SEMA4F: variants seen among roughly 807,000 people sequenced by gnomAD.
SEMA4F encodes ssemaphorin 4F, also known as semaphorin-4F.
SEMA4F carries 51 observed loss-of-function variants against 78.4 expected under a neutral mutation model. The observed-to-expected ratio is 0.65, with a 90% CI of 0.52 to 0.82. The LOEUF (loss-of-function observed/expected upper bound fraction) is 0.82, where lower values mean the gene tolerates loss of function less well. Among genes scored for constraint, SEMA4F ranks in the 40% least tolerant of loss-of-function variants. The probability of loss-of-function intolerance (pLI) is 0.00; values close to 1 mark genes in which losing one functional copy is unlikely to be tolerated. For synonymous variants in SEMA4F, 418 were observed against 408.7 expected, an observed-to-expected ratio of 1.02 and a Z score of -0.27; for missense variants, 938 against 1,014.4, an observed-to-expected ratio of 0.92 and a Z score of 1.02.
At chr2:74,687,758 G>A (rs1685851022), downstream of SEMA4F, among the ~76,000 whole-genome samples, 1 of 152,126 alleles carries the variant, frequency 6.6e-6, no homozygotes, top group Non-Finnish European at 1.5e-5. Flanking sequence ...TAGCTTTAGG[G>A]TGTCCTTCTC....
rs530665210 is a variant in SEMA4F at position 74,655,912 on chromosome 2, G to A, written c.146-622G>A. 2.7e-4 allele frequency among the ~76,000 whole-genome samples: 41 copies of A among 152,278 alleles called. 1 individual carries two copies. The highest frequency in any genetic ancestry group is 3.9e-4 in the Admixed American group (6 of 15,298). ...GCAGAGCTGTATTGGTGCAAGGGTA[G>A]GGTCCCCAGAACCAGAGGTTGAGCT... On this transcript the variant is annotated intron_variant, in intron 1 of 13. Coordinates refer to ENST00000357877, the MANE Select transcript of SEMA4F (RefSeq NM_004263.5).
At chr2:74,665,908 T>G (rs1005908086) in intron 5 of SEMA4F, among the ~76,000 whole-genome samples, 6 of 151,980 alleles carry the variant, frequency 3.9e-5, no homozygotes, top group Non-Finnish European at 7.4e-5. Flanking sequence ...TTTTGTTTTT[T>G]TTTTTTTTTG....
intron 5 of SEMA4F, 33 bp from the exon 6 acceptor site, chr2:74,673,424 C>T (rs1437068171): frequency 6.2e-7 from 1 of 1,612,416 alleles, no homozygotes; most frequent in South Asian, 1.1e-5. Context: ...CAGTGGGTCC[C>T]TGATAGCCCA....
chr2:74,675,742 T>G lies in SEMA4F; in HGVS notation c.1483-7T>G, dbSNP rs1337029161. The stretch of plus-strand genomic sequence containing the variant: ...GTGTATTCCCCTTCCCCACTCCGTT[T>G]TTATAGAGCTGGCTCCTGGTTGGCT... On this transcript the variant is annotated splice_region_variant and splice_polypyrimidine_tract_variant and intron_variant, in intron 11 of 13. Coordinates refer to ENST00000357877, the MANE Select transcript of SEMA4F (RefSeq NM_004263.5). The G allele has an allele frequency of 6.2e-7, 1 of 1,613,888 alleles. No individual in the cohort carries two copies. The highest frequency in any genetic ancestry group is 1.6e-4 in the Middle Eastern group (1 of 6,062).
the SEMA4F span, among the ~76,000 whole-genome samples, chr2:74,689,218 T>G: frequency 2.0e-5 from 3 of 152,238 alleles, no homozygotes; most frequent in Non-Finnish European, 4.4e-5. Flanking sequence ...TAATGTAGTG[T>G]AGTCTAGTGA....
rs187991997 is a variant in SEMA4F, at chr2:74,654,739, G to C, written c.145+218G>C. Among the ~76,000 whole-genome samples, 484 of 152,302 alleles carry C rather than the reference G, an allele frequency of 3.2e-3. 3 individuals carry two copies. Among genetic ancestry groups the C allele is most frequent in the Middle Eastern group, 6.8e-3 (2 of 294 alleles). On this transcript the variant is annotated intron_variant, in intron 1 of 13. Coordinates refer to ENST00000357877, the MANE Select transcript of SEMA4F (RefSeq NM_004263.5). ...CCTCAGCCCCTCATCCCCAGCCCGG[G>C]CCTCGCGCCTCGGCTCCCACGACAC... is the stretch of plus-strand genomic sequence containing the variant.
chr2:74,672,993 T>C (rs1685067239), intron 5 of SEMA4F, among the ~76,000 whole-genome samples: 1 of 152,216 alleles, frequency 6.6e-6, no homozygotes, highest in African/African-American at 2.4e-5. Context: ...AATCGTGACT[T>C]GTTCCAAAGC....
rs1032144832 is a variant in SEMA4F, at chr2:74,680,490, C to T, written c.*281C>T. The T allele has an allele frequency of 3.0e-6, 1 of 338,572 alleles. No individual in the cohort carries two copies. The highest frequency in any genetic ancestry group is 5.4e-6 in the Non-Finnish European group (1 of 186,898). 21.0% of individuals were successfully genotyped at this position (338,572 alleles called of 1,614,324 possible). ...TCCTGTAAACCTTCATCCCTGGCCC[C>T]CTATCTTGGGCCCATTAGTTTTGGG... On this transcript the variant is annotated 3_prime_UTR_variant, in exon 14 of 14. Transcript: ENST00000357877.
the SEMA4F span, among the ~76,000 whole-genome samples, chr2:74,702,425 T>C: frequency 6.6e-6 from 1 of 152,158 alleles, no homozygotes; most frequent in Non-Finnish European, 1.5e-5. Context: ...CAATCAGACA[T>C]TGTTGTTTTA....
In SEMA4F at chr2:74,679,302, A is replaced by G; in HGVS notation, c.1670A>G (p.Asp557Gly). Residue 557 changes from aspartate to glycine, a missense_variant, in exon 13 of 14, where the codon GAT (aspartate) becomes GGT (glycine). Coordinates refer to ENST00000357877, the MANE Select transcript of SEMA4F (RefSeq NM_004263.5). ...RGLVQDIESA[D>G]VSSLCPKEPG... The stretch of plus-strand genomic sequence containing the variant: ...TTGGTCCAAGACATAGAGTCAGCAG[A>G]TGTCTCCTCTTTGTGTCCTAAAGAG... 1.2e-6 allele frequency: 2 copies of G among 1,613,498 alleles called. No individual in the cohort carries two copies. Among genetic ancestry groups the G allele is most frequent in the East Asian group, 2.2e-5 (1 of 44,884 alleles).
chr2:74,701,400 C>T, the SEMA4F span, among the ~76,000 whole-genome samples: 1 of 152,214 alleles, frequency 6.6e-6, no homozygotes, highest in Non-Finnish European at 1.5e-5. Flanking sequence ...ATCAGCCCTA[C>T]CATTTATTTT....
At chr2:74,696,387 G>A in the SEMA4F span, among the ~76,000 whole-genome samples, 3 of 151,786 alleles carry the variant, frequency 2.0e-5, no homozygotes, top group African/African-American at 2.4e-5. Flanking sequence ...TAGTAGAGAC[G>A]GGGTTTCATC....
At position 74,679,667 on chromosome 2, in the gene SEMA4F, T is replaced by G. The variant is rs1172547031; in HGVS notation, c.1771T>G (p.Ser591Ala). Residue 591 changes from serine (S) to alanine (A), a missense_variant, in exon 14 of 14, where the codon TCA (serine) becomes GCA (alanine). Transcript: ENST00000357877. ...AHVVLPCSPS[S>A]AWASCVWHQP... ...TGTGGTCTTGCCATGTTCTCCAAGCTCAGCATGGGCATCCTGTGTGTGGCA... is the reference window on the plus strand; with the variant it reads ...TGTGGTCTTGCCATGTTCTCCAAGCGCAGCATGGGCATCCTGTGTGTGGCA... The G allele has an allele frequency of 6.2e-7, 1 of 1,613,656 alleles. No individual in the cohort carries two copies. The highest frequency in any genetic ancestry group is 8.5e-7 in the Non-Finnish European group (1 of 1,179,878).
chr2:74,656,011 G>T (rs1279200133), intron 1 of SEMA4F, among the ~76,000 whole-genome samples: 8 of 151,370 alleles, frequency 5.3e-5, no homozygotes, highest in Non-Finnish European at 2.9e-5. Context: ...ATGAGGTTTA[G>T]ATTTTTTTTT....
chr2:74,691,801 T>C, the SEMA4F span, among the ~76,000 whole-genome samples: 1 of 152,222 alleles, frequency 6.6e-6, no homozygotes, highest in African/African-American at 2.4e-5. Context: ...CACTGACTGA[T>C]AGGAAGCTGG....
chr2:74,658,047 G>A lies in SEMA4F; in HGVS notation c.456+96G>A. Reference sequence around the variant, plus strand: ...AGGATGGGAAGGGTTTTCTGTGAGCGACCATGATGGGGGCATGGTCAAGGC... The same window carrying A: ...AGGATGGGAAGGGTTTTCTGTGAGCAACCATGATGGGGGCATGGTCAAGGC... On this transcript the variant is annotated intron_variant, in intron 4 of 13. Coordinates refer to ENST00000357877, the MANE Select transcript of SEMA4F (RefSeq NM_004263.5). The surrounding 1 kb of genome is among the most constrained non-coding windows in gnomAD (Gnocchi z 4.3). 1.8e-6 allele frequency: 2 copies of A among 1,088,588 alleles called. No homozygotes were observed. Among genetic ancestry groups the A allele is most frequent in the Middle Eastern group, 2.3e-4 (1 of 4,430 alleles). The allele number at this position is 1,088,588 out of a possible 1,614,324, so 67.4% of individuals were successfully genotyped here.
rs1328444175 is a variant in SEMA4F, at chr2:74,658,561, T to C, written c.456+610T>C. Among the ~76,000 whole-genome samples the C allele has an allele frequency of 3.9e-5, 6 of 151,952 alleles. No homozygotes were observed. The highest frequency in any genetic ancestry group is 2.9e-5 in the Non-Finnish European group (2 of 68,032). On this transcript the variant is annotated intron_variant, in intron 4 of 13. Transcript: ENST00000357877. The surrounding 1 kb of genome is among the most constrained non-coding windows in gnomAD (Gnocchi z 4.3). ...CAATCATGTTTTCTTATAGATCCTG[T>C]TTATTGCTGCTGAAGGCCTGGACAT...
At chr2:74,679,396 G>C in intron 13 of SEMA4F, 62 bp downstream of exon 13, 1 of 1,511,528 alleles carries the variant, frequency 6.6e-7, no homozygotes, top group Admixed American at 1.7e-5. Flanking sequence ...GGGCTAGAGA[G>C]TTGTTCATTT....
chr2:74,673,642 T>C (rs534418687), intron 6 of SEMA4F, 35 bp from the exon 7 acceptor site: 1 of 1,613,002 alleles, frequency 6.2e-7, no homozygotes, highest in African/African-American at 1.3e-5. Flanking sequence ...TCCTAGGTTG[T>C]GTCTGTGAGG....
Sources: gnomAD v4.1 joint callset for allele counts (sites outside exome capture counted in the v4.1 genomes callset) on GRCh38, gnomAD v4.1.1 for gene constraint, Gnocchi (gnomAD v3.1) non-coding constraint, MANE v1.5 for transcripts, NCBI Gene and HGNC (gene_info 2026-07-23, HGNC 2026-07-21) for gene names.